The following CDK10 variants were observed in gnomAD, a reference collection of about 807,000 sequenced individuals.
CDK10 encodes the protein cyclin-dependent kinase 10.
CDK10 carries 55 observed loss-of-function variants against 51.0 expected under a neutral mutation model. The ratio of observed to expected loss-of-function variants is 1.08; its 90% CI spans 0.87 to 1.35. CDK10 has a LOEUF of 1.35. CDK10 is among the 40% of genes most tolerant of loss of function. The pLI, the probability that CDK10 is intolerant of heterozygous loss-of-function variation, is 0.00. For missense variants in CDK10, 589 were observed against 485.1 expected, an observed-to-expected ratio of 1.21 and a Z score of -2.01; for synonymous variants, 255 against 199.1, an observed-to-expected ratio of 1.28 and a Z score of -2.36.
intron 3 of CDK10, 124 bp downstream of exon 3, chr16:89,690,748 C>G: frequency 1.2e-6 from 1 of 827,106 alleles, no homozygotes; most frequent in Non-Finnish European, 2.1e-6. Flanking sequence ...TGGGAGGGTT[C>G]TGGTGTGGCC....
At chr16:89,695,529 A>G (rs2060681415) in intron 12 of CDK10, 66 bp from the exon 13 acceptor site, 2 of 1,543,542 alleles carry the variant, frequency 1.3e-6, no homozygotes, top group East Asian at 2.4e-5. Flanking sequence ...AGCTGGACTC[A>G]GACCTGGGCC....
intron 10 of CDK10, 54 bp from the exon 11 acceptor site, chr16:89,694,877 C>G (rs1451012549): frequency 7.8e-7 from 1 of 1,278,026 alleles, no homozygotes. Flanking sequence ...CCTCTGCGCC[C>G]GCAGCCCCCG....
At chr16:89,693,193 T>C (rs2060533396) in intron 6 of CDK10, 81 bp from the exon 7 acceptor site, 3 of 1,223,682 alleles carry the variant, frequency 2.5e-6, no homozygotes, top group African/African-American at 3.0e-5. Context: ...GTGCAGGAAG[T>C]CTACGGGCAT....
intron 3 of CDK10, among the ~76,000 whole-genome samples, 191 bp downstream of exon 3, chr16:89,690,815 C>T (rs942784666): frequency 1.3e-5 from 2 of 152,114 alleles, no homozygotes; most frequent in African/African-American, 4.8e-5. Context: ...GAGGGCTCTG[C>T]AGTCTCCATC....
In CDK10 at chr16:89,695,796, T is replaced by C. The variant is rs1217833496; in HGVS notation, c.*104T>C. The C allele has an allele frequency of 1.3e-6, 2 of 1,566,600 alleles. No individual in the cohort carries two copies. The highest frequency in any genetic ancestry group is 2.7e-5 in the African/African-American group (2 of 74,208). On this transcript the variant is annotated 3_prime_UTR_variant, in exon 13 of 13. Transcript: ENST00000353379. ...GCTGACCAGGCGCCCGGGATCCAGC[T>C]CATCCCCTTGGCTGGGAACATCCTC...
rs201307766 is a variant in CDK10, at chr16:89,686,840, C to A, written c.87+43C>A. 6.3e-5 allele frequency: 96 copies of A among 1,522,264 alleles called. No homozygotes were observed. In the African/African-American group the frequency reaches 1.2e-3, roughly 19 times the overall value. 94.3% of individuals were successfully genotyped at this position (1,522,264 alleles called of 1,614,324 possible). On this transcript the variant is annotated intron_variant, in intron 1 of 12. Transcript: ENST00000353379. ...CGGGCAGCTCTGCCCGCCTCGCTAG[C>A]GGCACTGCCCGGCTGGGTCTGGGGA...
Position 89,686,709 on chromosome 16 carries a change from G to T in CDK10, c.-2G>T, listed in dbSNP as rs1232030271. 2 of 1,591,754 alleles carry T rather than the reference G, an allele frequency of 1.3e-6. No homozygotes were observed. Among genetic ancestry groups the T allele is most frequent in the South Asian group, 2.3e-5 (2 of 87,838 alleles). ...GCAAGAGAGGCGGGGCCAGCGCTCG[G>T]CATGGCGGAGCCAGATCTGGAGTGC... On this transcript the variant is annotated 5_prime_UTR_variant, in exon 1 of 13. Coordinates refer to ENST00000353379, the MANE Select transcript of CDK10 (RefSeq NM_052988.5).
chr16:89,694,639 G>T lies in CDK10; in HGVS notation c.669-26G>T, dbSNP rs779282360. ...TGGCGGGGTCAGCAGACGTCTGGCC[G>T]CAGTGAGGTCCACTGTTCTCTGCAG... is the stretch of plus-strand genomic sequence containing the variant. On this transcript the variant is annotated intron_variant, in intron 9 of 12. Coordinates refer to ENST00000353379, the MANE Select transcript of CDK10 (RefSeq NM_052988.5). 4.6e-5 allele frequency: 72 copies of T among 1,574,248 alleles called. 1 individual carries two copies. In the Middle Eastern group the frequency reaches 1.7e-3, roughly 36 times the overall value.
Position 89,695,976 on chromosome 16 carries a change from G to A in CDK10, c.*284G>A. On this transcript the variant is annotated 3_prime_UTR_variant, in exon 13 of 13. Coordinates refer to ENST00000353379, the MANE Select transcript of CDK10 (RefSeq NM_052988.5). ...GGTCTCATGTGGTCCTCCTCGCTAT[G>A]TTGGAAATGTGCAACCACTGCTTCT... 1 of 616,576 alleles carries A rather than the reference G, an allele frequency of 1.6e-6. No homozygotes were observed. The allele number at this position is 616,576 out of a possible 1,614,324, so 38.2% of individuals were successfully genotyped here.
chr16:89,689,275 G>A lies in CDK10; in HGVS notation c.111G>A (p.Lys37=), dbSNP rs2060336308. Residue 37 remains lysine, a synonymous_variant, in exon 2 of 13, where the codon AAG becomes AAA. Transcript: ENST00000353379. ...AGCTGGGACGATGCCGGAGTGTGAA[G>A]GAGTTTGAGAAGCTGAACCGCATTG... ...EHRLGRCRSV[K]EFEKLNRIGE... is the part of the protein sequence containing the mutation. The A allele has an allele frequency of 1.2e-6, 2 of 1,614,018 alleles. No individual in the cohort carries two copies. The highest frequency in any genetic ancestry group is 3.3e-5 in the Admixed American group (2 of 59,980).
chr16:89,686,819 C>T, intron 1 of CDK10, 22 bp downstream of exon 1: 1 of 1,588,740 alleles, frequency 6.3e-7, no homozygotes, highest in Non-Finnish European at 8.6e-7. Flanking sequence ...GCCACCCGGG[C>T]AGCTCTGCCC....
chr16:89,691,888 G>T lies in CDK10; in HGVS notation c.417+1G>T. ...GCCAACACCCTTCTCGGAGGCTCAG[G>T]TGCGTGGCAGAGGGGCCTGGGGTGG... On this transcript the variant is annotated splice_donor_variant, in intron 5 of 12. Transcript: ENST00000353379. LOFTEE classifies it high-confidence loss of function. The T allele has an allele frequency of 6.2e-7, 1 of 1,613,900 alleles. No individual in the cohort carries two copies. The highest frequency in any genetic ancestry group is 8.5e-7 in the Non-Finnish European group (1 of 1,179,868).
chr16:89,690,414 G>C (rs1382997350), intron 2 of CDK10, 139 bp from the exon 3 acceptor site: 6 of 724,280 alleles, frequency 8.3e-6, no homozygotes, highest in Non-Finnish European at 1.5e-5. Flanking sequence ...CACAGAGTGG[G>C]GACTGAGTGT....
chr16:89,690,767 C>T (rs566315643), intron 3 of CDK10, 143 bp downstream of exon 3: 120 of 730,166 alleles, frequency 1.6e-4, no homozygotes, highest in African/African-American at 1.5e-3. Flanking sequence ...CCCAGCACAT[C>T]ACCCCCAGGT....
At position 89,691,759 on chromosome 16, in the gene CDK10, C is replaced by T. The variant is rs775477742; in HGVS notation, c.336-47C>T. 2.9e-5 allele frequency: 45 copies of T among 1,569,892 alleles called. No individual in the cohort carries two copies. The South Asian group carries it at 4.5e-4, about 16-fold the overall frequency. ...CAGCAGGGGAGGCTCCACTTCCACCCCTTAGGAGAAGGCCGGAGAGTGGCA... is the reference window on the plus strand; with the variant it reads ...CAGCAGGGGAGGCTCCACTTCCACCTCTTAGGAGAAGGCCGGAGAGTGGCA... On this transcript the variant is annotated intron_variant, in intron 4 of 12. Coordinates refer to ENST00000353379, the MANE Select transcript of CDK10 (RefSeq NM_052988.5).
Position 89,690,574 on chromosome 16 carries a change from C to G in CDK10, c.182C>G (p.Thr61Arg). The G allele has an allele frequency of 6.2e-7, 1 of 1,614,084 alleles. No individual in the cohort carries two copies. The highest frequency in any genetic ancestry group is 1.3e-5 in the African/African-American group (1 of 75,042). The change falls in exon 3 of 13, where the codon ACA becomes AGA. Residue 61 changes from threonine (T) to arginine (R), a missense_variant. Transcript: ENST00000353379. ...GIVYRARDTQ[T>R]DEIVALKKVR... Reference sequence around the variant, plus strand: ...CCAGATCGGGCCCGGGACACCCAGACAGATGAGATTGTCGCACTGAAGAAG... The same window carrying G: ...CCAGATCGGGCCCGGGACACCCAGAGAGATGAGATTGTCGCACTGAAGAAG...
Position 89,689,409 on chromosome 16 carries a change from G to C in CDK10, c.160+85G>C. 3 of 1,157,612 alleles carry C rather than the reference G, an allele frequency of 2.6e-6. No homozygotes were observed. In the East Asian group the frequency reaches 7.0e-5, roughly 27 times the overall value. 71.7% of individuals were successfully genotyped at this position (1,157,612 alleles called of 1,614,324 possible). A position where few individuals can be genotyped will look rare whatever the true frequency, so the allele number is the denominator to read the frequency against. ...GACTGTCGAAGCAGCAGCCGCGTTG[G>C]GGCTGGAAGGGACTCAGACCCTGTG... is the stretch of plus-strand genomic sequence containing the variant. On this transcript the variant is annotated intron_variant, in intron 2 of 12. Coordinates refer to ENST00000353379, the MANE Select transcript of CDK10 (RefSeq NM_052988.5).
chr16:89,692,238 G>A, intron 5 of CDK10: 1 of 551,052 alleles, frequency 1.8e-6, no homozygotes, highest in Admixed American at 3.6e-5. Flanking sequence ...GGGCTGCTGG[G>A]AGAGTGCAGC....
At chr16:89,689,184 A>C (rs953281736) in intron 1 of CDK10, 68 bp from the exon 2 acceptor site, 3 of 1,451,082 alleles carry the variant, frequency 2.1e-6, no homozygotes, top group Non-Finnish European at 2.9e-6. Context: ...TACAAATTCC[A>C]TTTGAAATTT....
Sources: allele counts gnomAD v4.1 joint callset (sites outside exome capture counted in the v4.1 genomes callset), GRCh38; gene constraint gnomAD v4.1.1; transcripts MANE v1.5; gene names NCBI Gene and HGNC (gene_info 2026-07-23, HGNC 2026-07-21).